Variants in VAPA observed in about 807,000 individuals in gnomAD.
VAPA encodes VAMP associated protein A, also known as vesicle-associated membrane protein-associated protein A.
In VAPA, 6 loss-of-function variants were observed where a neutral mutation model predicts 25.6. The observed-to-expected ratio is 0.23, with a 90% CI of 0.13 to 0.46. VAPA has a LOEUF of 0.46. Ranked by LOEUF, VAPA falls within the 20% of genes least tolerant of loss-of-function variation. VAPA has a pLI of 0.99. For missense variants in VAPA, 244 were observed against 302.1 expected, an observed-to-expected ratio of 0.81 and a Z score of 1.43; for synonymous variants, 112 against 106.2, an observed-to-expected ratio of 1.05 and a Z score of -0.34.
At chr18:9,948,965 C>G (rs907881239) in intron 4 of VAPA, 1 of 152,192 alleles carries the variant, frequency 6.6e-6, no homozygotes, top group Non-Finnish European at 1.5e-5. Context: ...ATATTGGTGG[C>G]CATTGCCACC....
chr18:9,945,513 C>T (rs1274946960), intron 4 of VAPA, among the ~76,000 whole-genome samples: 2 of 151,796 alleles, frequency 1.3e-5, no homozygotes, highest in East Asian at 1.9e-4. Flanking sequence ...GCACGTGCCA[C>T]CATGCCTGGC....
intron 2 of VAPA, among the ~76,000 whole-genome samples, chr18:9,933,435 TC>T (rs535303527): frequency 8.2e-4 from 125 of 152,326 alleles, no homozygotes; most frequent in Middle Eastern, 3.4e-3. Context: ...ATTCATCAGT[TC>T]CTGGGAAAGA....
At chr18:9,921,732 A>G (rs1000736964) in intron 1 of VAPA, among the ~76,000 whole-genome samples, 1 of 152,174 alleles carries the variant, frequency 6.6e-6, no homozygotes, top group African/African-American at 2.4e-5. Flanking sequence ...TTTGGAAAAA[A>G]ATTAAATGTG....
intron 5 of VAPA, among the ~76,000 whole-genome samples, chr18:9,952,455 T>C (rs1465249823): frequency 2.0e-5 from 3 of 151,014 alleles, no homozygotes; most frequent in Non-Finnish European, 4.4e-5. Flanking sequence ...TAATCCCAGC[T>C]ACTTGGGAGG....
rs1200072490 is a variant in VAPA, at chr18:9,914,289, C to A, written c.33C>A (p.His11Gln). 1.3e-6 allele frequency: 2 copies of A among 1,591,180 alleles called. No individual in the cohort carries two copies. Among genetic ancestry groups the A allele is most frequent in the East Asian group, 2.4e-5 (1 of 41,318 alleles). Residue 11 changes from histidine (H) to glutamine (Q), a missense_variant, in exon 1 of 6, where the codon CAC (histidine) becomes CAA (glutamine). Physicochemically the swap from His to Gln is conservative, Grantham distance 24. This residue lies in a region of VAPA where 99 missense variants were observed against 161.6 expected (regional missense o/e 0.61). Coordinates refer to ENST00000400000, the MANE Select transcript of VAPA (RefSeq NM_194434.3). ...CCGCCTCAGGGGCCATGGCGAAGCA[C>A]GAGCAGATCCTGGTCCTCGATCCGC... Reference protein sequence around the residue: MASASGAMAKHEQILVLDPPT... With the variant: MASASGAMAKQEQILVLDPPT...
chr18:9,949,276 A>G (rs1013110437), intron 4 of VAPA: 1 of 152,228 alleles, frequency 6.6e-6, no homozygotes, highest in African/African-American at 2.4e-5. Context: ...AGCTTGAAGA[A>G]GAATGGAAGA....
chr18:9,926,652 A>G (rs1427846655), intron 1 of VAPA, among the ~76,000 whole-genome samples: 1 of 152,154 alleles, frequency 6.6e-6, no homozygotes, highest in Non-Finnish European at 1.5e-5. Context: ...GTGAGTTTGC[A>G]TCATAACTAG....
In VAPA at chr18:9,950,070, A is replaced by G. The variant is rs58625433; in HGVS notation, c.418-325A>G. On this transcript the variant is annotated intron_variant, in intron 4 of 5. Transcript: ENST00000400000. The stretch of plus-strand genomic sequence containing the variant: ...TTCAGCATACTTTCATTGAATAACT[A>G]CTCTTGACCAAAGTGCTGGTTTTAG... 1.7e-3 allele frequency: 394 copies of G among 225,964 alleles called. 1 individual carries two copies. Among genetic ancestry groups the G allele is most frequent in the African/African-American group, 8.8e-3 (373 of 42,466 alleles). The allele number at this position is 225,964 out of a possible 1,614,324, so 14.0% of individuals were successfully genotyped here.
Position 9,914,107 on chromosome 18 carries a change from A to C in VAPA, c.-150A>C, listed in dbSNP as rs1164792880. The stretch of plus-strand genomic sequence containing the variant: ...TGCTGACCCAGCGGGTGGCCCACCG[A>C]ACCGGTGACACAGCGGCAGGCGTTA... On this transcript the variant is annotated 5_prime_UTR_variant, in exon 1 of 6. Coordinates refer to ENST00000400000, the MANE Select transcript of VAPA (RefSeq NM_194434.3). 2 of 599,830 alleles carry C rather than the reference A, an allele frequency of 3.3e-6. No homozygotes were observed. The highest frequency in any genetic ancestry group is 2.8e-6 in the Non-Finnish European group (1 of 360,376). 37.2% of individuals were successfully genotyped at this position (599,830 alleles called of 1,614,324 possible). A position where few individuals can be genotyped will look rare whatever the true frequency, so the allele number is the denominator to read the frequency against.
chr18:9,949,776 C>T (rs1296705608), intron 4 of VAPA: 1 of 152,326 alleles, frequency 6.6e-6, no homozygotes, highest in Admixed American at 6.5e-5. Flanking sequence ...TCAAATGGTT[C>T]AATGTTGGTG....
intron 5 of VAPA, among the ~76,000 whole-genome samples, chr18:9,953,268 C>T (rs1416994060): frequency 3.3e-5 from 5 of 152,156 alleles, no homozygotes; most frequent in Admixed American, 1.3e-4. Context: ...CATTTTGACA[C>T]AGAGAAGCAC....
At chr18:9,947,394 A>G (rs1277840294) in intron 4 of VAPA, among the ~76,000 whole-genome samples, 1 of 152,186 alleles carries the variant, frequency 6.6e-6, no homozygotes, top group Non-Finnish European at 1.5e-5. Context: ...GGTAATAGGA[A>G]TTTTTCAGTG....
chr18:9,937,175 C>A, intron 4 of VAPA, 109 bp downstream of exon 4: 10 of 492,802 alleles, frequency 2.0e-5, no homozygotes, highest in Non-Finnish European at 3.0e-5. Context: ...GGCTATTACA[C>A]TTCATAAGAC....
chr18:9,924,048 T>C (rs978605247), intron 1 of VAPA: 1 of 152,438 alleles, frequency 6.6e-6, no homozygotes, highest in Non-Finnish European at 1.5e-5. Context: ...AAATAACCTC[T>C]GTTAACATTT....
At position 9,956,950 on chromosome 18, in the gene VAPA, T is replaced by C. The variant is rs1259249882; in HGVS notation, c.*2739T>C. 6.6e-6 allele frequency: 1 copy of C among 152,076 alleles called. No homozygotes were observed. Among genetic ancestry groups the C allele is most frequent in the Non-Finnish European group, 1.5e-5 (1 of 68,010 alleles). 9.4% of individuals were successfully genotyped at this position (152,076 alleles called of 1,614,324 possible). A position where few individuals can be genotyped will look rare whatever the true frequency, so the allele number is the denominator to read the frequency against. On this transcript the variant is annotated 3_prime_UTR_variant, in exon 6 of 6. Coordinates refer to ENST00000400000, the MANE Select transcript of VAPA (RefSeq NM_194434.3). ...AGAAGCTAAGTCATTATGTTCTGAGTGTGTGGTATGTTCCCTTAAAAAAAA... is the reference window on the plus strand; with the variant it reads ...AGAAGCTAAGTCATTATGTTCTGAGCGTGTGGTATGTTCCCTTAAAAAAAA...
intron 2 of VAPA, among the ~76,000 whole-genome samples, chr18:9,934,813 A>C (rs1023852969): frequency 2.6e-5 from 4 of 152,128 alleles, no homozygotes; most frequent in Admixed American, 2.6e-4. Flanking sequence ...AGAAATTATA[A>C]ATGCTTAAAA....
chr18:9,950,160 G>T, intron 4 of VAPA: 1 of 419,198 alleles, frequency 2.4e-6, no homozygotes, highest in Non-Finnish European at 4.3e-6. Flanking sequence ...GAAAGAACTT[G>T]AACAATAATT....
At chr18:9,941,585 C>T (rs762543592) in intron 4 of VAPA, among the ~76,000 whole-genome samples, 2 of 151,784 alleles carry the variant, frequency 1.3e-5, no homozygotes, top group African/African-American at 4.8e-5. Context: ...TCTCTATAGA[C>T]GAAGTTGATA....
In VAPA at chr18:9,956,229, T is replaced by TA. The variant is rs1425533172; in HGVS notation, c.*2019dup. The TA allele has an allele frequency of 2.0e-5, 3 of 152,226 alleles. No homozygotes were observed. The highest frequency in any genetic ancestry group is 4.4e-5 in the Non-Finnish European group (3 of 68,036). 9.4% of individuals were successfully genotyped at this position (152,226 alleles called of 1,614,324 possible). A position where few individuals can be genotyped will look rare whatever the true frequency, so the allele number is the denominator to read the frequency against. Reference sequence around the variant, plus strand: ...AGGTAGAGGCAGAGCTGGAACTAGATATCTGGTCTGTTGACTCTAGCTCAG... The same window carrying TA: ...AGGTAGAGGCAGAGCTGGAACTAGATAATCTGGTCTGTTGACTCTAGCTCAG... On this transcript the variant is annotated 3_prime_UTR_variant, in exon 6 of 6. Transcript: ENST00000400000.
Sources: gnomAD v4.1 joint callset for allele counts (sites outside exome capture counted in the v4.1 genomes callset) on GRCh38, gnomAD v4.1.1 for gene constraint, gnomAD v4.1.1 regional missense constraint, MANE v1.5 for transcripts, NCBI Gene and HGNC (gene_info 2026-07-23, HGNC 2026-07-21) for gene names.